The following B3GAT1 variants were observed in gnomAD, a reference collection of about 807,000 sequenced individuals.
The protein encoded by B3GAT1 is beta-1,3-glucuronyltransferase 1, also known as galactosylgalactosylxylosylprotein 3-beta-glucuronosyltransferase 1.
Under a neutral mutation model 28.4 loss-of-function variants are expected in B3GAT1, and 11 were observed. That is an observed-to-expected ratio of 0.39 (90% confidence interval 0.24 to 0.64). The LOEUF (loss-of-function observed/expected upper bound fraction) is 0.64, where lower values mean the gene tolerates loss of function less well. B3GAT1 is among the 30% of genes least tolerant of loss of function. B3GAT1 has a pLI of 0.50. For missense variants in B3GAT1, 375 were observed against 491.0 expected, an observed-to-expected ratio of 0.76 and a Z score of 2.23; for synonymous variants, 255 against 223.1, an observed-to-expected ratio of 1.14 and a Z score of -1.27.
At chr11:134,399,402 C>G (rs551120879) in intron 1 of B3GAT1, among the ~76,000 whole-genome samples, 1 of 152,348 alleles carries the variant, frequency 6.6e-6, no homozygotes, top group Admixed American at 6.5e-5. Flanking sequence ...GCTCAGGACA[C>G]CCATGGGTGG....
In B3GAT1 at chr11:134,411,558, G is replaced by T. The variant is rs981936477; in HGVS notation, c.-282+249C>A. On this transcript the variant is annotated intron_variant, in intron 1 of 5. Transcript: ENST00000312527. The surrounding 1 kb of genome is among the most constrained non-coding windows in gnomAD (Gnocchi z 6.0). ...AGAACCAGCTCTTCCCCTAATCCCGGTCGACGAGGGCAGGCTGTGCCGGGT... is the reference window on the plus strand; with the variant it reads ...AGAACCAGCTCTTCCCCTAATCCCGTTCGACGAGGGCAGGCTGTGCCGGGT... Among the ~76,000 whole-genome samples the T allele has an allele frequency of 3.5e-4, 54 of 152,224 alleles. No individual in the cohort carries two copies. The highest frequency in any genetic ancestry group is 3.5e-3 in the South Asian group (17 of 4,830).
Position 134,384,157 on chromosome 11 carries a change from C to T in B3GAT1, c.144G>A (p.Pro48=), listed in dbSNP as rs759591807. The part of the protein sequence containing the change: ...DEGSDPRRET[P]PGADPREYCT... ...AGTACTCCCTGGGGTCGGCGCCGGG[C>T]GGCGTTTCGCGTCGGGGGTCACTGC... Residue 48 remains proline, a synonymous_variant, in exon 3 of 6, where the codon CCG becomes CCA. Coordinates refer to ENST00000312527, the MANE Select transcript of B3GAT1 (RefSeq NM_054025.3). The T allele has an allele frequency of 1.2e-5, 19 of 1,554,106 alleles. No individual in the cohort carries two copies. The East Asian group carries it at 3.2e-4, about 26-fold the overall frequency.
intron 1 of B3GAT1, among the ~76,000 whole-genome samples, chr11:134,396,060 C>T (rs931772426): frequency 1.3e-5 from 2 of 152,202 alleles, no homozygotes; most frequent in African/African-American, 4.8e-5. Flanking sequence ...AACATGGCCA[C>T]TTACTTCGTC....
intron 1 of B3GAT1, among the ~76,000 whole-genome samples, chr11:134,408,845 T>G (rs147122685): frequency 8.5e-4 from 80 of 94,632 alleles, no homozygotes; most frequent in Admixed American, 1.1e-3. Flanking sequence ...AGCCTGCACC[T>G]ATTCCAGTGG....
intron 3 of B3GAT1, 118 bp from the exon 4 acceptor site, chr11:134,383,124 C>T: frequency 8.5e-7 from 1 of 1,180,776 alleles, no homozygotes; most frequent in South Asian, 1.6e-5. Flanking sequence ...CAGCCGCGGC[C>T]ACCTAGGGGG....
At chr11:134,384,375 G>T in intron 2 of B3GAT1, 187 bp from the exon 3 acceptor site, 1 of 733,854 alleles carries the variant, frequency 1.4e-6, no homozygotes, top group Non-Finnish European at 2.2e-6. Context: ...TCCTCTCTGG[G>T]AGGGTCCTAG....
Position 134,378,511 on chromosome 11 carries a change from T to G in B3GAT1, c.*2251A>C, listed in dbSNP as rs1168916543. 1 of 152,230 alleles carries G rather than the reference T, an allele frequency of 6.6e-6. No individual in the cohort carries two copies. Among genetic ancestry groups the G allele is most frequent in the Admixed American group, 6.5e-5 (1 of 15,290 alleles). 9.4% of individuals were successfully genotyped at this position (152,230 alleles called of 1,614,324 possible). On this transcript the variant is annotated 3_prime_UTR_variant, in exon 6 of 6. Coordinates refer to ENST00000312527, the MANE Select transcript of B3GAT1 (RefSeq NM_054025.3). ...AGGCAGGGCTGAAGAGGATTAGGAC[T>G]GTTAAAAACTGTATTTGACTTTTAA...
chr11:134,382,650 G>A (rs2136301546), intron 4 of B3GAT1, 60 bp downstream of exon 4: 12 of 1,560,238 alleles, frequency 7.7e-6, no homozygotes, highest in Non-Finnish European at 1.0e-5. Flanking sequence ...GATCTGTAGG[G>A]AGGGTCTGGA....
intron 1 of B3GAT1, among the ~76,000 whole-genome samples, chr11:134,392,894 C>T (rs1944439769): frequency 6.6e-6 from 1 of 152,152 alleles, no homozygotes; most frequent in South Asian, 2.1e-4. Context: ...ATGCCTCAGG[C>T]CCTGAGGAGA....
At chr11:134,404,372 C>T (rs899904757) in intron 1 of B3GAT1, among the ~76,000 whole-genome samples, 1 of 152,028 alleles carries the variant, frequency 6.6e-6, no homozygotes, top group Non-Finnish European at 1.5e-5. Flanking sequence ...AGATCTGTTT[C>T]ACAACAATGT....
At chr11:134,392,732 T>C (rs1944437122) in intron 1 of B3GAT1, among the ~76,000 whole-genome samples, 1 of 152,026 alleles carries the variant, frequency 6.6e-6, no homozygotes. Flanking sequence ...AGGGGGTGTC[T>C]GGGACTCAGA....
At chr11:134,409,209 T>C (rs1294718537) in intron 1 of B3GAT1, among the ~76,000 whole-genome samples, 1 of 152,214 alleles carries the variant, frequency 6.6e-6, no homozygotes, top group African/African-American at 2.4e-5. Flanking sequence ...CAGATGGAGA[T>C]GAGACTGGAC....
At chr11:134,405,022 G>A (rs544758006) in intron 1 of B3GAT1, among the ~76,000 whole-genome samples, 13 of 152,262 alleles carry the variant, frequency 8.5e-5, no homozygotes, top group East Asian at 3.9e-4. Context: ...ACGAGCGGCC[G>A]TCTCTCCCAC....
rs1329429301 is a variant in B3GAT1, at chr11:134,411,021, G to T, written c.-282+786C>A. 1.3e-5 allele frequency among the ~76,000 whole-genome samples: 2 copies of T among 152,232 alleles called. No individual in the cohort carries two copies. The highest frequency in any genetic ancestry group is 4.1e-4 in the South Asian group (2 of 4,832). On this transcript the variant is annotated intron_variant, in intron 1 of 5. Transcript: ENST00000312527. This position sits in a 1 kb window ranked among gnomAD's most constrained non-coding sequence, Gnocchi z 6.0. ...GCTGGGGGAGGAAGGGGACAGGGAA[G>T]TTGGCCAAGGCTCCCATGTGTGTGC...
At chr11:134,400,304 C>T (rs1315635264) in intron 1 of B3GAT1, among the ~76,000 whole-genome samples, 1 of 152,180 alleles carries the variant, frequency 6.6e-6, no homozygotes, top group Non-Finnish European at 1.5e-5. Context: ...GTCTTACTCA[C>T]CTCTGCATTC....
At position 134,384,039 on chromosome 11, in the gene B3GAT1, C is replaced by T. The variant is rs965181801; in HGVS notation, c.262G>A (p.Val88Met). 2 of 1,605,428 alleles carry T rather than the reference C, an allele frequency of 1.2e-6. No individual in the cohort carries two copies. The highest frequency in any genetic ancestry group is 2.2e-5 in the East Asian group (1 of 44,836). The part of the protein sequence containing the change: ...PWSDTLPTIH[V>M]VTPTYSRPVQ... ...GGGCGGCTGTAGGTGGGCGTCACCA[C>T]GTGGATGGTGGGCAGCGTGTCGGAC... Residue 88 changes from valine (V) to methionine (M), a missense_variant, in exon 3 of 6, where the codon GTG becomes ATG. By Grantham distance (21) the Val-to-Met change is conservative (BLOSUM62 1). Coordinates refer to ENST00000312527, the MANE Select transcript of B3GAT1 (RefSeq NM_054025.3).
chr11:134,389,244 G>A (rs1944359479), intron 1 of B3GAT1: 1 of 152,280 alleles, frequency 6.6e-6, no homozygotes, highest in Non-Finnish European at 1.5e-5. Context: ...GATGGTCCCT[G>A]GGGGGAAGTA....
In B3GAT1 at chr11:134,387,787, G is replaced by T. The variant is rs746962254; in HGVS notation, c.-128C>A. ...GCATGGGCCGGGCCGGCCAGGCATG[G>T]AGAGGACAGAGCAGCTGAATGTTGG... is the stretch of plus-strand genomic sequence containing the variant. On this transcript the variant is annotated 5_prime_UTR_variant, in exon 2 of 6. Coordinates refer to ENST00000312527, the MANE Select transcript of B3GAT1 (RefSeq NM_054025.3). 2 of 1,540,684 alleles carry T rather than the reference G, an allele frequency of 1.3e-6. No individual in the cohort carries two copies. The highest frequency in any genetic ancestry group is 1.4e-5 in the African/African-American group (1 of 73,102).
At chr11:134,402,128 G>A (rs896400935) in intron 1 of B3GAT1, among the ~76,000 whole-genome samples, 1 of 152,232 alleles carries the variant, frequency 6.6e-6, no homozygotes, top group African/African-American at 2.4e-5. Context: ...CTGTAGCCTC[G>A]GTGCAGCCAC....
Sources: allele counts gnomAD v4.1 joint callset (sites outside exome capture counted in the v4.1 genomes callset), GRCh38; gene constraint gnomAD v4.1.1; non-coding constraint Gnocchi (gnomAD v3.1); transcripts MANE v1.5; gene names NCBI Gene and HGNC (gene_info 2026-07-23, HGNC 2026-07-21).